Variants in CDH13 observed in about 807,000 individuals in gnomAD.
CDH13 encodes the protein cadherin 13.
A neutral mutation model predicts 63.8 loss-of-function variants in CDH13; 24 were observed. The ratio of observed to expected loss-of-function variants is 0.38; its 90% CI spans 0.27 to 0.53. The LOEUF (loss-of-function observed/expected upper bound fraction) is 0.53, where lower values mean the gene tolerates loss of function less well. Among genes scored for constraint, CDH13 ranks in the 20% least tolerant of loss-of-function variants. CDH13 has a pLI of 0.85. For missense variants in CDH13, 1,049 were observed against 903.1 expected (o/e 1.16, Z -2.07); for synonymous variants, 503 against 355.3 (o/e 1.42, Z -4.67).
chr16:82,644,287 T>C lies in CDH13; in HGVS notation c.45+17150T>C, dbSNP rs17261525. Among the ~76,000 whole-genome samples the C allele has an allele frequency of 0.036, 5,423 of 152,192 alleles. 128 individuals carry two copies. The highest frequency in any genetic ancestry group is 0.095 in the Middle Eastern group (28 of 294). ...AGGAGCTCCCACTTCTTACATTCAG[T>C]GCTCATCACTCTGCAAATCAAGGCC... On this transcript the variant is annotated intron_variant, in intron 1 of 13. Transcript: ENST00000567109. This position sits in a 1 kb window ranked among gnomAD's most constrained non-coding sequence, Gnocchi z 5.7.
intron 1 of CDH13, among the ~76,000 whole-genome samples, chr16:82,647,741 G>T (rs1418019326): frequency 6.6e-6 from 1 of 151,594 alleles, no homozygotes; most frequent in Non-Finnish European, 1.5e-5. Flanking sequence ...GTTGGAAGTT[G>T]AGCCAGCCCT....
rs146129141 is a variant in CDH13, at chr16:83,320,932, C to A, written c.637-23930C>A. On this transcript the variant is annotated intron_variant, in intron 5 of 13. Coordinates refer to ENST00000567109, the MANE Select transcript of CDH13 (RefSeq NM_001257.5). ...GAGAAGAAGAAAAGAATCCCAAGAC[C>A]AAAATCTTAGTCTGAATGTGAAGTC... Among the ~76,000 whole-genome samples the A allele has an allele frequency of 3.9e-4, 59 of 152,278 alleles. 1 individual carries two copies. The highest frequency in any genetic ancestry group is 6.8e-3 in the Middle Eastern group (2 of 292).
intron 2 of CDH13, among the ~76,000 whole-genome samples, chr16:82,923,713 A>C (rs139855041): frequency 1.3e-5 from 2 of 152,244 alleles, no homozygotes. Flanking sequence ...CAGCTGATAC[A>C]TGCAGTGAAG....
At chr16:83,487,595 C>T (rs1356740692) in intron 7 of CDH13, among the ~76,000 whole-genome samples, 2 of 152,252 alleles carry the variant, frequency 1.3e-5, no homozygotes, top group African/African-American at 4.8e-5. Context: ...ACACAGCATC[C>T]TTAAACCAAC....
At chr16:83,443,771 AAGAG>A (rs1231897985) in intron 6 of CDH13, among the ~76,000 whole-genome samples, 8 of 135,210 alleles carry the variant, frequency 5.9e-5, no homozygotes, top group African/African-American at 1.9e-4. Flanking sequence ...TATGGAGAGA[AAGAG>A]AGAGCGAGAG....
At chr16:82,679,432 A>G (rs1227700216) in intron 1 of CDH13, among the ~76,000 whole-genome samples, 2 of 152,200 alleles carry the variant, frequency 1.3e-5, no homozygotes, top group Non-Finnish European at 2.9e-5. Context: ...GCAAAGATTT[A>G]CCTCCTACTA....
At chr16:83,503,758 A>T (rs1032313402) in intron 7 of CDH13, among the ~76,000 whole-genome samples, 19 of 151,894 alleles carry the variant, frequency 1.3e-4, no homozygotes, top group African/African-American at 3.9e-4. Context: ...TTTCTTGTAA[A>T]TTTGTTTAAG....
chr16:82,937,114 G>A (rs2042692719), intron 2 of CDH13, among the ~76,000 whole-genome samples: 2 of 152,120 alleles, frequency 1.3e-5, no homozygotes, highest in Admixed American at 6.5e-5. Flanking sequence ...ATAGTAACTA[G>A]CATTAAACTA....
intron 2 of CDH13, among the ~76,000 whole-genome samples, chr16:83,030,775 A>T (rs1187954291): frequency 1.3e-5 from 2 of 151,728 alleles, no homozygotes; most frequent in African/African-American, 4.8e-5. Context: ...GTCCAGGGCT[A>T]CCAGAAAGCA....
intron 8 of CDH13, among the ~76,000 whole-genome samples, chr16:83,635,547 C>A (rs148815861): frequency 0.017 from 2,590 of 151,706 alleles, 82 homozygotes; most frequent in African/African-American, 0.06. Flanking sequence ...TTTCACCATG[C>A]TGGCCAGGCT....
At chr16:83,731,895 T>C (rs1911077939) in intron 10 of CDH13, among the ~76,000 whole-genome samples, 1 of 152,258 alleles carries the variant, frequency 6.6e-6, no homozygotes, top group Non-Finnish European at 1.5e-5. Context: ...ATTTAAATGC[T>C]GCATGACAGG....
At chr16:82,829,253 C>T (rs1336627837) in intron 1 of CDH13, 1 of 152,196 alleles carries the variant, frequency 6.6e-6, no homozygotes, top group Admixed American at 6.5e-5. Flanking sequence ...ATCCCCTCTC[C>T]TTCTACCCCA....
intron 7 of CDH13, among the ~76,000 whole-genome samples, chr16:83,541,078 C>G (rs1209798428): frequency 6.6e-6 from 1 of 152,100 alleles, no homozygotes; most frequent in African/African-American, 2.4e-5. Flanking sequence ...CGCTCAATCC[C>G]CAGGTCATAT....
intron 1 of CDH13, among the ~76,000 whole-genome samples, chr16:82,707,049 A>C (rs2031549461): frequency 6.6e-6 from 1 of 152,214 alleles, no homozygotes; most frequent in Non-Finnish European, 1.5e-5. Context: ...AGATTGGAGG[A>C]CAAGGCGTGG....
chr16:83,240,097 C>T (rs1199942469), intron 5 of CDH13, among the ~76,000 whole-genome samples: 1 of 152,136 alleles, frequency 6.6e-6, no homozygotes, highest in Non-Finnish European at 1.5e-5. Context: ...GCCCCAGAGT[C>T]TGACAAGCTC....
intron 1 of CDH13, among the ~76,000 whole-genome samples, chr16:82,827,119 T>C (rs1444687946): frequency 6.6e-6 from 1 of 152,266 alleles, no homozygotes; most frequent in African/African-American, 2.4e-5. Flanking sequence ...AGCCTTGTTC[T>C]GCTAGTGCTA....
In CDH13 at chr16:83,415,793, G is replaced by A. The variant is rs115070540; in HGVS notation, c.782-70684G>A. ...CACATATGAAAAGTCCATAGCTAAC[G>A]TCATACTCAACAGTGATAAAACTAA... On this transcript the variant is annotated intron_variant, in intron 6 of 13. Transcript: ENST00000567109. 9.4e-3 allele frequency among the ~76,000 whole-genome samples: 1,436 copies of A among 152,154 alleles called. 13 individuals are homozygous for A. Among genetic ancestry groups the A allele is most frequent in the African/African-American group, 0.028 (1,179 of 41,506 alleles).
intron 6 of CDH13, among the ~76,000 whole-genome samples, chr16:83,478,239 G>C: frequency 6.6e-6 from 1 of 151,910 alleles, no homozygotes; most frequent in Non-Finnish European, 1.5e-5. Context: ...GAGCTAAAAG[G>C]CAGCTGCCGC....
At chr16:82,994,350 T>A (rs529529385) in intron 2 of CDH13, among the ~76,000 whole-genome samples, 8 of 152,288 alleles carry the variant, frequency 5.3e-5, no homozygotes, top group Middle Eastern at 3.4e-3. Flanking sequence ...AGATTCCATG[T>A]TGCTCTCTGA....
Sources: gnomAD v4.1 joint callset for allele counts (sites outside exome capture counted in the v4.1 genomes callset) on GRCh38, gnomAD v4.1.1 for gene constraint, Gnocchi (gnomAD v3.1) non-coding constraint, MANE v1.5 for transcripts, NCBI Gene and HGNC (gene_info 2026-07-23, HGNC 2026-07-21) for gene names.